Variants in D2HGDH observed in about 807,000 individuals in gnomAD.
The protein encoded by D2HGDH is D-2-hydroxyglutarate dehydrogenase, mitochondrial.
In D2HGDH, 31 loss-of-function variants were observed where a neutral mutation model predicts 46.9. The observed-to-expected ratio is 0.66, with a 90% CI of 0.50 to 0.89. D2HGDH has a LOEUF of 0.89. Among genes scored for constraint, D2HGDH ranks in the 40% least tolerant of loss-of-function variants. D2HGDH has a pLI of 0.00. For synonymous variants in D2HGDH, 364 were observed against 332.6 expected, an observed-to-expected ratio of 1.09 and a Z score of -1.03; for missense variants, 698 against 720.8, an observed-to-expected ratio of 0.97 and a Z score of 0.36.
At position 241,737,689 on chromosome 2, in the gene D2HGDH, A is replaced by G. The variant is rs988211323; in HGVS notation, c.292+2173A>G. ...GGAGATCGCTTGAGCCCAGGAGTTCAAGACCAGCCTGAGCAACATGGTGAA... is the reference window on the plus strand; with the variant it reads ...GGAGATCGCTTGAGCCCAGGAGTTCGAGACCAGCCTGAGCAACATGGTGAA... On this transcript the variant is annotated intron_variant, in intron 2 of 9. Coordinates refer to ENST00000321264, the MANE Select transcript of D2HGDH (RefSeq NM_152783.5). Among the ~76,000 whole-genome samples, 4 of 152,284 alleles carry G rather than the reference A, an allele frequency of 2.6e-5. No individual in the cohort carries two copies. The South Asian group carries it at 8.3e-4, about 32-fold the overall frequency.
At chr2:241,754,391 C>T (rs1305219787) in intron 8 of D2HGDH, 1 of 152,254 alleles carries the variant, frequency 6.6e-6, no homozygotes, top group African/African-American at 2.4e-5. Flanking sequence ...ATGCTGTAAT[C>T]CCAGAGCTTT....
chr2:241,736,546 TCTC>T (rs200192176), intron 2 of D2HGDH, among the ~76,000 whole-genome samples: 2,805 of 152,274 alleles, frequency 0.018, 258 homozygotes, highest in Admixed American at 0.15. Context: ...AGGTTTTTCT[TCTC>T]TGTGACTCTT....
intron 9 of D2HGDH, among the ~76,000 whole-genome samples, chr2:241,756,562 C>G (rs893836624): frequency 5.3e-5 from 8 of 152,218 alleles, no homozygotes; most frequent in Non-Finnish European, 2.9e-5. Flanking sequence ...ACTCTTGTCA[C>G]CCAGGCTGGA....
At chr2:241,738,891 A>G (rs750686829) in intron 2 of D2HGDH, among the ~76,000 whole-genome samples, 23 of 152,216 alleles carry the variant, frequency 1.5e-4, no homozygotes, top group Non-Finnish European at 2.8e-4. Flanking sequence ...GTTGAATTTT[A>G]GGTGAATTAT....
At chr2:241,738,322 C>T (rs983022359) in intron 2 of D2HGDH, among the ~76,000 whole-genome samples, 2 of 152,230 alleles carry the variant, frequency 1.3e-5, no homozygotes, top group Non-Finnish European at 2.9e-5. Flanking sequence ...AGTCCTGGCT[C>T]AGCACTGCTG....
chr2:241,738,054 A>G (rs1403982499), intron 2 of D2HGDH, among the ~76,000 whole-genome samples: 2 of 152,222 alleles, frequency 1.3e-5, no homozygotes, highest in Non-Finnish European at 2.9e-5. Flanking sequence ...CTAGGCTCAG[A>G]TAATGGAAGC....
intron 9 of D2HGDH, among the ~76,000 whole-genome samples, chr2:241,756,388 G>C (rs1011335107): frequency 6.6e-6 from 1 of 152,256 alleles, no homozygotes; most frequent in Non-Finnish European, 1.5e-5. Flanking sequence ...GGCCTTTGCA[G>C]TGCTTAGCCC....
intron 9 of D2HGDH, among the ~76,000 whole-genome samples, chr2:241,757,586 G>T (rs925705568): frequency 3.9e-5 from 6 of 152,190 alleles, no homozygotes; most frequent in South Asian, 4.1e-4. Context: ...TCCTCTCCAG[G>T]TAACTTCAGT....
chr2:241,735,627 G>C, intron 2 of D2HGDH, 111 bp downstream of exon 2: 1 of 1,461,106 alleles, frequency 6.8e-7, no homozygotes, highest in Non-Finnish European at 9.3e-7. Context: ...GCCAGCCCCT[G>C]GCTGCGCTGA....
At chr2:241,760,493 CCAGT>C (rs947961926) in intron 9 of D2HGDH, among the ~76,000 whole-genome samples, 36 of 140,228 alleles carry the variant, frequency 2.6e-4, no homozygotes, top group Non-Finnish European at 4.1e-4. Flanking sequence ...TGGGCCTTAC[CCAGT>C]CAAAGGCCTT....
chr2:241,763,335 G>A (rs563615366), intron 9 of D2HGDH, among the ~76,000 whole-genome samples: 74 of 152,272 alleles, frequency 4.9e-4, no homozygotes, highest in African/African-American at 1.7e-3. Context: ...ACTTAATGCC[G>A]GAAGCAGTTG....
chr2:241,746,484 A>G (rs769431002), intron 6 of D2HGDH, among the ~76,000 whole-genome samples: 1 of 152,210 alleles, frequency 6.6e-6, no homozygotes, highest in South Asian at 2.1e-4. Context: ...CTTTAAACAT[A>G]GTTTGACGTC....
intron 8 of D2HGDH, among the ~76,000 whole-genome samples, chr2:241,752,833 G>A (rs1309905022): frequency 2.0e-5 from 2 of 99,658 alleles, no homozygotes; most frequent in East Asian, 5.4e-4. Flanking sequence ...CCCCCACAAA[G>A]GAAGGCTGCC....
At chr2:241,760,393 G>A (rs112977732) in intron 9 of D2HGDH, among the ~76,000 whole-genome samples, 3 of 142,848 alleles carry the variant, frequency 2.1e-5, no homozygotes, top group Admixed American at 6.9e-5. Context: ...CCACAGCGTG[G>A]GTGGGCCTTA....
intron 2 of D2HGDH, among the ~76,000 whole-genome samples, chr2:241,738,186 T>G (rs1693460489): frequency 6.6e-6 from 1 of 152,176 alleles, no homozygotes; most frequent in African/African-American, 2.4e-5. Flanking sequence ...TAAGGACCCC[T>G]CTGGGGCGAT....
chr2:241,753,536 G>A (rs1420977367), intron 8 of D2HGDH, among the ~76,000 whole-genome samples: 1 of 152,190 alleles, frequency 6.6e-6, no homozygotes, highest in Non-Finnish European at 1.5e-5. Context: ...TCCCTTCTGG[G>A]AGCCCTGGGT....
chr2:241,750,351 A>T (rs1696938618), intron 7 of D2HGDH, 57 bp downstream of exon 7: 1 of 1,457,766 alleles, frequency 6.9e-7, no homozygotes, highest in Admixed American at 1.8e-5. Flanking sequence ...GCACGTCTGG[A>T]CACATGGGAC....
rs184060439 is a variant in D2HGDH, at chr2:241,750,129, G to A, written c.854-22G>A. The A allele has an allele frequency of 1.1e-5, 18 of 1,613,754 alleles. No homozygotes were observed. The Admixed American group carries it at 3.0e-4, about 27-fold the overall frequency. ...CTGGGTTTAGCTCCGTGTGGTGCTT[G>A]ACATGCTGTGACCCGTTTCAGGCTG... On this transcript the variant is annotated intron_variant, in intron 6 of 9. Transcript: ENST00000321264.
At chr2:241,751,416 CG>C (rs749387132) in intron 8 of D2HGDH, 28 bp downstream of exon 8, 2 of 1,611,374 alleles carry the variant, frequency 1.2e-6, no homozygotes, top group African/African-American at 2.7e-5. Context: ...TGCAGGTCCC[CG>C]CTCTCTGTCC....
Sources: gnomAD v4.1 joint callset for allele counts (sites outside exome capture counted in the v4.1 genomes callset) on GRCh38, gnomAD v4.1.1 for gene constraint, MANE v1.5 for transcripts, NCBI Gene and HGNC (gene_info 2026-07-23, HGNC 2026-07-21) for gene names.